PDE7B: variants seen among roughly 807,000 people sequenced by gnomAD.
PDE7B encodes the protein phosphodiesterase 7B, also known as 3',5'-cyclic-AMP phosphodiesterase 7B.
Under a neutral mutation model 56.2 loss-of-function variants are expected in PDE7B, and 29 were observed. The observed-to-expected ratio is 0.52, with a 90% confidence interval of 0.38 to 0.70. The LOEUF is 0.70. PDE7B is among the 30% of genes least tolerant of loss of function. The pLI, the probability that PDE7B is intolerant of heterozygous loss-of-function variation, is 0.00. For synonymous variants in PDE7B, 197 were observed against 196.9 expected (o/e 1.00, Z 0.00); for missense variants, 490 against 565.0 (o/e 0.87, Z 1.35).
intron 8 of PDE7B, among the ~76,000 whole-genome samples, chr6:136,159,805 G>T (rs772828586): frequency 6.6e-5 from 10 of 152,196 alleles, no homozygotes; most frequent in Non-Finnish European, 1.5e-4. Flanking sequence ...ATCATCATTT[G>T]AAGTATTTTA....
intron 1 of PDE7B, among the ~76,000 whole-genome samples, chr6:135,891,494 T>C (rs1775809610): frequency 6.6e-6 from 1 of 152,148 alleles, no homozygotes; most frequent in African/African-American, 2.4e-5. Flanking sequence ...TTCAGGAGCA[T>C]TGGGAAAATT....
chr6:135,936,442 C>T (rs189543561), intron 1 of PDE7B, among the ~76,000 whole-genome samples: 1 of 152,270 alleles, frequency 6.6e-6, no homozygotes, highest in East Asian at 1.9e-4. Flanking sequence ...GACCAGATGG[C>T]TGGAGTTTAA....
At chr6:136,117,949 C>T (rs1777867884) in intron 3 of PDE7B, among the ~76,000 whole-genome samples, 1 of 152,114 alleles carries the variant, frequency 6.6e-6, no homozygotes, top group African/African-American at 2.4e-5. Context: ...GAAGTTAGAC[C>T]TGGGTTTGAA....
intron 2 of PDE7B, among the ~76,000 whole-genome samples, chr6:136,098,792 ATTC>A (rs1327733886): frequency 6.8e-6 from 1 of 146,934 alleles, no homozygotes; most frequent in African/African-American, 2.5e-5. Flanking sequence ...TTTTTTTATT[ATTC>A]TTAAAGTTCT....
At chr6:135,932,353 T>A (rs1774309219) in intron 1 of PDE7B, among the ~76,000 whole-genome samples, 1 of 152,132 alleles carries the variant, frequency 6.6e-6, no homozygotes, top group African/African-American at 2.4e-5. Flanking sequence ...AGGGGATGAA[T>A]ACCCCTTTCT....
In PDE7B at chr6:136,016,805, G is replaced by A. The variant is rs558417879; in HGVS notation, c.82+69281G>A. 5.8e-4 allele frequency among the ~76,000 whole-genome samples: 89 copies of A among 152,214 alleles called. No individual in the cohort carries two copies. In the South Asian group the frequency reaches 0.018, roughly 31 times the overall value. ...GTTCTACTCATCTGCACATTCTAAG[G>A]GAAATTCTCTTAGATACACCTAATT... On this transcript the variant is annotated intron_variant, in intron 2 of 12. Coordinates refer to ENST00000308191, the MANE Select transcript of PDE7B (RefSeq NM_018945.4).
At chr6:136,060,506 C>G (rs2128212518) in intron 2 of PDE7B, among the ~76,000 whole-genome samples, 2 of 152,230 alleles carry the variant, frequency 1.3e-5, no homozygotes, top group African/African-American at 4.8e-5. Context: ...ACAAGAAAAT[C>G]TAAATTGTGG....
intron 1 of PDE7B, among the ~76,000 whole-genome samples, chr6:135,926,101 A>AG (rs1458954637): frequency 5.9e-5 from 1 of 16,862 alleles, no homozygotes; most frequent in Non-Finnish European, 1.3e-4. Context: ...GGGGGGGGGG[A>AG]GGGGGGATGG....
At position 136,179,047 on chromosome 6, in the gene PDE7B, A is replaced by T; in HGVS notation, c.854A>T (p.Asn285Ile). The T allele has an allele frequency of 1.2e-6, 2 of 1,614,142 alleles. No individual in the cohort carries two copies. The highest frequency in any genetic ancestry group is 1.7e-6 in the Non-Finnish European group (2 of 1,179,938). ...TCCTTGATCTTGGCAACAGACATCA[A>T]CAGGCAGAATGAATTTTTGACCAGA... The part of the protein sequence containing the change: ...LGSLILATDI[N>I]RQNEFLTRLK... Residue 285 changes from asparagine to isoleucine, a missense_variant, in exon 10 of 13, where the codon AAC (asparagine) becomes ATC (isoleucine). Asn to Ile is a moderately radical substitution (Grantham distance 149). Coordinates refer to ENST00000308191, the MANE Select transcript of PDE7B (RefSeq NM_018945.4).
intron 2 of PDE7B, among the ~76,000 whole-genome samples, chr6:135,974,286 T>TATATAC (rs1202859843): frequency 6.6e-6 from 1 of 151,256 alleles, no homozygotes; most frequent in Non-Finnish European, 1.5e-5. Context: ...TCTGTGTGTC[T>TATATAC]ATATACATAT....
intron 2 of PDE7B, among the ~76,000 whole-genome samples, chr6:135,973,751 G>C (rs1466951617): frequency 6.6e-6 from 1 of 152,158 alleles, no homozygotes; most frequent in African/African-American, 2.4e-5. Flanking sequence ...AAATTTATTT[G>C]TTGGCCATTT....
At chr6:135,858,760 AACATATTTTACCAT>A (rs1396878028) in intron 1 of PDE7B, among the ~76,000 whole-genome samples, 1 of 152,198 alleles carries the variant, frequency 6.6e-6, no homozygotes, top group Non-Finnish European at 1.5e-5. Context: ...ATAAACAATA[AACATATTTTACCAT>A]ACATATTTTA....
chr6:135,984,862 C>G (rs1458156830), intron 2 of PDE7B, among the ~76,000 whole-genome samples: 2 of 151,970 alleles, frequency 1.3e-5, no homozygotes, highest in Non-Finnish European at 2.9e-5. Flanking sequence ...GAGCTCAGAG[C>G]TTAGAGCTGT....
intron 1 of PDE7B, among the ~76,000 whole-genome samples, chr6:135,942,743 C>T (rs538916028): frequency 4.9e-4 from 74 of 152,084 alleles, no homozygotes; most frequent in Non-Finnish European, 8.7e-4. Flanking sequence ...TGAGATCATA[C>T]AGTATTTGTC....
intron 2 of PDE7B, among the ~76,000 whole-genome samples, chr6:136,104,995 G>A (rs1004613669): frequency 2.0e-5 from 3 of 152,184 alleles, no homozygotes; most frequent in African/African-American, 4.8e-5. Context: ...CTCTCACCTA[G>A]CTCCATTGTT....
intron 2 of PDE7B, among the ~76,000 whole-genome samples, chr6:136,022,658 A>C (rs748592735): frequency 6.6e-6 from 1 of 151,910 alleles, no homozygotes; most frequent in Non-Finnish European, 1.5e-5. Flanking sequence ...CTTTTTTCCC[A>C]CTGTCCTGAC....
chr6:136,060,918 C>T (rs1162002701), intron 2 of PDE7B, among the ~76,000 whole-genome samples: 1 of 152,128 alleles, frequency 6.6e-6, no homozygotes, highest in Non-Finnish European at 1.5e-5. Context: ...GCTGCTCTCT[C>T]AGTGAAGGCA....
intron 1 of PDE7B, among the ~76,000 whole-genome samples, chr6:135,931,580 CAA>C (rs1774292070): frequency 6.6e-6 from 1 of 151,870 alleles, no homozygotes; most frequent in African/African-American, 2.4e-5. Flanking sequence ...AAATGAGTAA[CAA>C]TGATAAAAAT....
chr6:136,129,711 G>A (rs1778083829), intron 3 of PDE7B, among the ~76,000 whole-genome samples: 1 of 152,212 alleles, frequency 6.6e-6, no homozygotes, highest in Non-Finnish European at 1.5e-5. Context: ...GAGCTGTTGA[G>A]ACAATCGAGG....
Sources: allele counts gnomAD v4.1 joint callset (sites outside exome capture counted in the v4.1 genomes callset), GRCh38; gene constraint gnomAD v4.1.1; transcripts MANE v1.5; gene names NCBI Gene and HGNC (gene_info 2026-07-23, HGNC 2026-07-21).